ADGRL2: variants seen among roughly 807,000 people sequenced by gnomAD.
The protein encoded by ADGRL2 is calcium-independent alpha-latrotoxin receptor 2.
ADGRL2 carries 44 observed loss-of-function variants against 157.4 expected under a neutral mutation model. The ratio of observed to expected loss-of-function variants is 0.28; its 90% confidence interval spans 0.22 to 0.36. The LOEUF (loss-of-function observed/expected upper bound fraction) is 0.36, where lower values mean the gene tolerates loss of function less well. Ranked by LOEUF, ADGRL2 falls within the 10% of genes least tolerant of loss-of-function variation. The pLI is 1.00. For synonymous variants in ADGRL2, 585 were observed against 624.7 expected, an observed-to-expected ratio of 0.94 and a Z score of 0.95; for missense variants, 1,510 against 1,768.9, an observed-to-expected ratio of 0.85 and a Z score of 2.63.
chr1:81,812,949 G>C (rs1214645950), intron 1 of ADGRL2, among the ~76,000 whole-genome samples: 1 of 151,792 alleles, frequency 6.6e-6, no homozygotes. Flanking sequence ...TTATGACTCT[G>C]TGCCAGCTGA....
chr1:81,502,879 C>T (rs1312100349), intron 2 of ADGRL2: 1 of 1,613,450 alleles, frequency 6.2e-7, no homozygotes, highest in Non-Finnish European at 8.5e-7. Flanking sequence ...CTTTCCCATC[C>T]TTGGGCTTGG....
rs527673940 is a variant in ADGRL2, at chr1:81,764,827, T to C, written c.-101+2975T>C. On this transcript the variant is annotated intron_variant, in intron 2 of 20. Transcript: ENST00000359929. ...CTAGACCAAGAATTTTACAATAAAA[T>C]TACATATCCTTAAATTGAATATACA... 7.5e-4 allele frequency among the ~76,000 whole-genome samples: 114 copies of C among 152,134 alleles called. 2 individuals are homozygous for C. The highest frequency in any genetic ancestry group is 2.6e-3 in the African/African-American group (107 of 41,542).
chr1:81,424,108 C>A (rs1287239204), intron 1 of ADGRL2, among the ~76,000 whole-genome samples: 1 of 152,150 alleles, frequency 6.6e-6, no homozygotes, highest in East Asian at 1.9e-4. Flanking sequence ...TGTCACTGAA[C>A]ATTCCAGGCC....
At chr1:81,540,931 C>A (rs1359507000) in intron 2 of ADGRL2, among the ~76,000 whole-genome samples, 1 of 151,974 alleles carries the variant, frequency 6.6e-6, no homozygotes, top group Non-Finnish European at 1.5e-5. Flanking sequence ...AAAAAAAATA[C>A]CTGTATAAAG....
In ADGRL2 at chr1:81,993,306, A is replaced by G. The variant is rs1004791471; in HGVS notation, c.*2161A>G. Among the ~76,000 whole-genome samples, 1 of 151,284 alleles carries G rather than the reference A, an allele frequency of 6.6e-6. No homozygotes were observed. The highest frequency in any genetic ancestry group is 1.5e-5 in the Non-Finnish European group (1 of 67,864). ...AAAGGAGGGCATTAGATAATCAAGT[A>G]TTTTTAATTTTCCATCTTGTTATAC... On this transcript the variant is annotated 3_prime_UTR_variant, in exon 24 of 24. Coordinates refer to ENST00000686636, the MANE Select transcript of ADGRL2 (RefSeq NM_001366006.2).
intron 1 of ADGRL2, among the ~76,000 whole-genome samples, chr1:81,718,980 C>A (rs2084208476): frequency 6.6e-6 from 1 of 152,234 alleles, no homozygotes; most frequent in African/African-American, 2.4e-5. Context: ...GATTGAATAT[C>A]TGTTGGACAC....
chr1:81,781,601 T>C (rs2086814547), intron 2 of ADGRL2, among the ~76,000 whole-genome samples: 1 of 152,186 alleles, frequency 6.6e-6, no homozygotes, highest in South Asian at 2.1e-4. Flanking sequence ...TGATAGCATT[T>C]CAGGTTGGTT....
intron 3 of ADGRL2, 37 bp from the exon 4 acceptor site, chr1:81,936,691 A>G (rs755645656): frequency 1.8e-6 from 2 of 1,127,080 alleles, no homozygotes; most frequent in Non-Finnish European, 2.6e-6. Context: ...AATCAAATAA[A>G]TTATGTTACA....
intron 1 of ADGRL2, among the ~76,000 whole-genome samples, chr1:81,733,431 G>A (rs2084791572): frequency 6.6e-6 from 1 of 152,178 alleles, no homozygotes; most frequent in African/African-American, 2.4e-5. Flanking sequence ...CTTGCAGATG[G>A]CTGCCTTCTC....
At chr1:81,452,242 C>T (rs1032422091) in intron 2 of ADGRL2, among the ~76,000 whole-genome samples, 2 of 152,190 alleles carry the variant, frequency 1.3e-5, no homozygotes, top group African/African-American at 4.8e-5. Flanking sequence ...CTATGCATCT[C>T]ATTTCTTCCA....
intron 1 of ADGRL2, among the ~76,000 whole-genome samples, chr1:81,375,433 A>T (rs962914119): frequency 1.3e-5 from 2 of 152,208 alleles, no homozygotes; most frequent in Admixed American, 6.5e-5. Flanking sequence ...TTACAATAAT[A>T]TACAGGTATA....
intron 2 of ADGRL2, among the ~76,000 whole-genome samples, chr1:81,872,429 G>T (rs148807268): frequency 6.6e-6 from 1 of 152,086 alleles, no homozygotes; most frequent in East Asian, 1.9e-4. Context: ...CTAGTCAAAT[G>T]GTAAACATAA....
intron 3 of ADGRL2, among the ~76,000 whole-genome samples, chr1:81,692,326 C>A (rs535150301): frequency 1.9e-3 from 287 of 152,056 alleles, no homozygotes; most frequent in Middle Eastern, 6.8e-3. Flanking sequence ...ATAAATAAAT[C>A]AAATCAAATA....
At chr1:81,788,819 G>A (rs1402726545) in intron 2 of ADGRL2, among the ~76,000 whole-genome samples, 2 of 152,072 alleles carry the variant, frequency 1.3e-5, no homozygotes, top group Non-Finnish European at 2.9e-5. Context: ...AGGTTCAAGT[G>A]ATTCTCCTGC....
intron 2 of ADGRL2, 25 bp from the exon 3 acceptor site, chr1:81,906,992 A>G (rs746569620): frequency 6.4e-7 from 1 of 1,567,302 alleles, no homozygotes; most frequent in Non-Finnish European, 8.8e-7. Flanking sequence ...GTTACAGTTT[A>G]ATTTTCTTTC....
At chr1:81,415,495 A>G (rs1233377730) in intron 1 of ADGRL2, among the ~76,000 whole-genome samples, 2 of 152,110 alleles carry the variant, frequency 1.3e-5, no homozygotes, top group African/African-American at 2.4e-5. Context: ...AGGGGTCCCT[A>G]AAAAAAGATA....
At chr1:81,985,679 A>G (rs1662941608) in intron 21 of ADGRL2, among the ~76,000 whole-genome samples, 1 of 152,006 alleles carries the variant, frequency 6.6e-6, no homozygotes. Context: ...AATAAATGCT[A>G]AAAACATGTG....
chr1:81,466,289 TAAA>T (rs990579637), intron 2 of ADGRL2, among the ~76,000 whole-genome samples: 110 of 152,306 alleles, frequency 7.2e-4, no homozygotes, highest in Non-Finnish European at 1.3e-3. Context: ...ATACAGTTAT[TAAA>T]AAACATGTCT....
At chr1:81,845,529 A>G (rs2092753417) in intron 2 of ADGRL2, among the ~76,000 whole-genome samples, 1 of 152,076 alleles carries the variant, frequency 6.6e-6, no homozygotes, top group South Asian at 2.1e-4. Context: ...AAAAAAGGGT[A>G]TCTGATTATA....
Sources: allele counts gnomAD v4.1 joint callset (sites outside exome capture counted in the v4.1 genomes callset), GRCh38; gene constraint gnomAD v4.1.1; transcripts MANE v1.5; gene names NCBI Gene and HGNC (gene_info 2026-07-23, HGNC 2026-07-21).